The following PCDH15 variants were observed in gnomAD, a reference collection of about 807,000 sequenced individuals.
PCDH15 encodes protocadherin related 15.
In PCDH15, 129 loss-of-function variants were observed where a neutral mutation model predicts 178.5. The observed-to-expected ratio is 0.72, with a 90% confidence interval of 0.63 to 0.84. The LOEUF (loss-of-function observed/expected upper bound fraction) is 0.84, where lower values mean the gene tolerates loss of function less well. Among genes scored for constraint, PCDH15 ranks in the 40% least tolerant of loss-of-function variants. The probability of loss-of-function intolerance (pLI) is 0.00; values close to 1 mark genes in which losing one functional copy is unlikely to be tolerated. For synonymous variants in PCDH15, 800 were observed against 732.0 expected (o/e 1.09, Z -1.50); for missense variants, 2,230 against 2,099.9 (o/e 1.06, Z -1.21).
At chr10:54,298,949 T>C (rs2059968324) in intron 8 of PCDH15, among the ~76,000 whole-genome samples, 1 of 152,208 alleles carries the variant, frequency 6.6e-6, no homozygotes, top group Admixed American at 6.5e-5. Context: ...TGCTGCAATA[T>C]GGAAAGAAAG....
Position 54,378,949 on chromosome 10 carries a change from A to G in PCDH15, c.158-7T>C, listed in dbSNP as rs568021734. ...TTGTCCACCAGAATTGTACCTGCAA[A>G]CCAAAGAAAGGTACTTGAAAACATA... On this transcript the variant is annotated splice_polypyrimidine_tract_variant and splice_region_variant and intron_variant, in intron 3 of 37. Coordinates refer to ENST00000644397, the MANE Select transcript of PCDH15 (RefSeq NM_001384140.1). 6.2e-7 allele frequency: 1 copy of G among 1,613,540 alleles called. No individual in the cohort carries two copies. The highest frequency in any genetic ancestry group is 1.1e-5 in the South Asian group (1 of 91,088).
chr10:54,902,720 T>C (rs1320821303), intron 2 of PCDH15, among the ~76,000 whole-genome samples: 1 of 152,180 alleles, frequency 6.6e-6, no homozygotes, highest in Non-Finnish European at 1.5e-5. Context: ...TGAGGATGTA[T>C]ATTTGCTCTC....
chr10:53,929,664 G>T (rs1021577615), intron 25 of PCDH15, among the ~76,000 whole-genome samples: 2 of 152,056 alleles, frequency 1.3e-5, no homozygotes, highest in African/African-American at 4.8e-5. Context: ...AAAGTCAGAA[G>T]AATGAAATGT....
intron 3 of PCDH15, among the ~76,000 whole-genome samples, chr10:54,518,078 T>A (rs958908551): frequency 1.4e-4 from 22 of 152,156 alleles, no homozygotes; most frequent in African/African-American, 4.8e-4. Flanking sequence ...AGAGGGAAAT[T>A]TATAGCACCA....
chr10:54,245,343 T>A (rs886169941), intron 8 of PCDH15, among the ~76,000 whole-genome samples: 1 of 152,140 alleles, frequency 6.6e-6, no homozygotes, highest in Non-Finnish European at 1.5e-5. Flanking sequence ...ACCGAGTATA[T>A]GTGTAATAAA....
chr10:54,943,869 A>G (rs1478134992), intron 2 of PCDH15, among the ~76,000 whole-genome samples: 1 of 151,712 alleles, frequency 6.6e-6, no homozygotes, highest in Non-Finnish European at 1.5e-5. Flanking sequence ...GGCTAGAAAA[A>G]AAAAAAGCAT....
At chr10:55,579,826 TG>T in intron 2 of PCDH15, among the ~76,000 whole-genome samples, 1 of 152,112 alleles carries the variant, frequency 6.6e-6, no homozygotes, top group South Asian at 2.1e-4. Flanking sequence ...TTGTTTGTTA[TG>T]TTTTTTATTT....
chr10:55,452,081 C>T (rs975992212), intron 2 of PCDH15, among the ~76,000 whole-genome samples: 1 of 152,058 alleles, frequency 6.6e-6, no homozygotes, highest in African/African-American at 2.4e-5. Flanking sequence ...ATATTTTTGT[C>T]TTTCCATTTT....
At chr10:54,804,033 CA>C (rs1952733176), upstream of PCDH15, among the ~76,000 whole-genome samples, 2 of 151,110 alleles carry the variant, frequency 1.3e-5, no homozygotes, top group African/African-American at 2.4e-5. Context: ...AATAAGCTGT[CA>C]AAAAAATTTT....
At position 53,926,416 on chromosome 10, in the gene PCDH15, TG is replaced by T. The variant is rs1432888279; in HGVS notation, c.3373+12398del. ...TCCAGATATCTTAATTAAGTAGGTT[TG>T]GAAAAGAGATCACAAAAATATGTAT... On this transcript the variant is annotated intron_variant, in intron 25 of 37. Coordinates refer to ENST00000644397, the MANE Select transcript of PCDH15 (RefSeq NM_001384140.1). Among the ~76,000 whole-genome samples the T allele has an allele frequency of 6.6e-5, 10 of 152,352 alleles. No individual in the cohort carries two copies. The South Asian group carries it at 2.1e-3, about 32-fold the overall frequency.
chr10:54,204,396 A>G (rs534735648), intron 10 of PCDH15, among the ~76,000 whole-genome samples: 21 of 151,768 alleles, frequency 1.4e-4, no homozygotes, highest in Non-Finnish European at 2.6e-4. Flanking sequence ...TTAGAATCCT[A>G]TAGTGGAAGT....
At chr10:54,302,679 G>T (rs2133293545) in intron 8 of PCDH15, among the ~76,000 whole-genome samples, 1 of 152,202 alleles carries the variant, frequency 6.6e-6, no homozygotes, top group East Asian at 1.9e-4. Context: ...TATTTTTTAT[G>T]GCAGTCGATC....
rs180800615 is a variant in PCDH15 at position 55,304,489 on chromosome 10, A to G, written c.-156+15110T>C. Among the ~76,000 whole-genome samples, 267 of 152,326 alleles carry G rather than the reference A, an allele frequency of 1.8e-3. 3 individuals are homozygous for G. Among genetic ancestry groups the G allele is most frequent in the Non-Finnish European group, 7.8e-4 (53 of 68,030 alleles). On this transcript the variant is annotated intron_variant, in intron 1 of 5. Coordinates refer to the PCDH15 transcript ENST00000458638. ...GTATATAAATGTAACTTATATTAAC[A>G]TAACATGTTTTTAAGTTGTACTTAG...
chr10:54,663,794 A>G (rs370369161), intron 2 of PCDH15, among the ~76,000 whole-genome samples: 81 of 151,618 alleles, frequency 5.3e-4, no homozygotes, highest in African/African-American at 1.8e-3. Context: ...CAGGGGGTCA[A>G]ATTTTGTTGT....
chr10:53,935,683 A>G (rs1277538502), intron 25 of PCDH15, among the ~76,000 whole-genome samples: 2 of 152,216 alleles, frequency 1.3e-5, no homozygotes, highest in Admixed American at 1.3e-4. Context: ...TTGTCATCTC[A>G]GTATTCCCAT....
At chr10:54,773,699 G>A (rs1949353621) in intron 1 of PCDH15, among the ~76,000 whole-genome samples, 1 of 152,058 alleles carries the variant, frequency 6.6e-6, no homozygotes, top group Admixed American at 6.6e-5. Context: ...TTACCAATAG[G>A]TCAATAACCT....
In PCDH15 at chr10:54,195,932, G is replaced by A. The variant is rs377444551; in HGVS notation, c.1099-43C>T. 1.1e-4 allele frequency: 175 copies of A among 1,561,314 alleles called. 2 individuals carry two copies. In the South Asian group the frequency reaches 1.7e-3, roughly 16 times the overall value. Reference sequence around the variant, plus strand: ...AGAAAATATTTAGAAAGTATATGTCGTGCTATCTTTTTGGAGTTTCACTTT... The same window carrying A: ...AGAAAATATTTAGAAAGTATATGTCATGCTATCTTTTTGGAGTTTCACTTT... On this transcript the variant is annotated intron_variant, in intron 10 of 37. Coordinates refer to ENST00000644397, the MANE Select transcript of PCDH15 (RefSeq NM_001384140.1).
chr10:54,378,437 G>C (rs192737387), intron 4 of PCDH15, among the ~76,000 whole-genome samples: 1 of 152,140 alleles, frequency 6.6e-6, no homozygotes, highest in Admixed American at 6.6e-5. Flanking sequence ...GCCGGCAGCT[G>C]AGTGACACAC....
At chr10:54,264,262 T>C (rs904995772) in intron 8 of PCDH15, among the ~76,000 whole-genome samples, 1 of 152,068 alleles carries the variant, frequency 6.6e-6, no homozygotes, top group Non-Finnish European at 1.5e-5. Context: ...CTCTGACTAA[T>C]ACAAACCCCA....
Sources: gnomAD v4.1 joint callset for allele counts (sites outside exome capture counted in the v4.1 genomes callset) on GRCh38, gnomAD v4.1.1 for gene constraint, MANE v1.5 for transcripts, NCBI Gene and HGNC (gene_info 2026-07-23, HGNC 2026-07-21) for gene names.